ULK4: variants seen among roughly 807,000 people sequenced by gnomAD.
ULK4 encodes the protein unc-51 like kinase 4, also known as inactive serine/threonine-protein kinase ULK4.
Under a neutral mutation model 160.6 loss-of-function variants are expected in ULK4, and 133 were observed. That is an observed-to-expected ratio of 0.83 (90% CI 0.72 to 0.96). ULK4 has a LOEUF of 0.96. Among genes scored for constraint, ULK4 ranks in the 40% least tolerant of loss-of-function variants. The pLI is 0.00. For missense variants in ULK4, 1,580 were observed against 1,499.5 expected (o/e 1.05, Z -0.89); for synonymous variants, 534 against 539.8 (o/e 0.99, Z 0.15).
intron 16 of ULK4, among the ~76,000 whole-genome samples, chr3:41,892,998 T>C (rs528985435): frequency 3.3e-5 from 5 of 152,330 alleles, no homozygotes; most frequent in South Asian, 2.1e-4. Context: ...GCAACACTCA[T>C]TGTCTCCGTG....
intron 34 of ULK4, among the ~76,000 whole-genome samples, chr3:41,444,746 G>A (rs570001474): frequency 5.3e-5 from 8 of 152,076 alleles, no homozygotes; most frequent in East Asian, 1.9e-4. Context: ...TTGAAAGGCC[G>A]AGGTGGACGG....
At chr3:41,340,611 T>G (rs954029791) in intron 35 of ULK4, among the ~76,000 whole-genome samples, 5 of 152,204 alleles carry the variant, frequency 3.3e-5, no homozygotes, top group African/African-American at 4.8e-5. Flanking sequence ...AAAATCCAGT[T>G]CCTCAACAGT....
intron 35 of ULK4, among the ~76,000 whole-genome samples, chr3:41,275,912 T>C (rs1166784644): frequency 6.6e-6 from 1 of 152,252 alleles, no homozygotes; most frequent in Admixed American, 6.5e-5. Context: ...GGGCTTTGTC[T>C]ATGGATGTAT....
chr3:41,908,989 A>G (rs1198191506), intron 11 of ULK4, among the ~76,000 whole-genome samples: 2 of 150,172 alleles, frequency 1.3e-5, no homozygotes, highest in Non-Finnish European at 3.0e-5. Context: ...GCTACTTGGG[A>G]GGCTGAGGCA....
At chr3:41,824,950 C>G (rs2041291918) in intron 18 of ULK4, among the ~76,000 whole-genome samples, 2 of 152,192 alleles carry the variant, frequency 1.3e-5, no homozygotes, top group African/African-American at 2.4e-5. Flanking sequence ...GGGCTGGGTA[C>G]TCCTCTGAGA....
chr3:41,591,804 C>T (rs571685812), intron 31 of ULK4, among the ~76,000 whole-genome samples: 32 of 152,318 alleles, frequency 2.1e-4, no homozygotes, highest in Admixed American at 9.8e-4. Context: ...GCAGCCCCCA[C>T]GTTGCACAGT....
chr3:41,485,101 T>C (rs748549922), intron 32 of ULK4, among the ~76,000 whole-genome samples: 10 of 152,322 alleles, frequency 6.6e-5, no homozygotes, highest in Middle Eastern at 6.8e-3. Flanking sequence ...GGCATATCCC[T>C]TCAACAACTC....
intron 11 of ULK4, among the ~76,000 whole-genome samples, chr3:41,911,062 G>A (rs1698766868): frequency 6.6e-6 from 1 of 152,140 alleles, no homozygotes; most frequent in African/African-American, 2.4e-5. Flanking sequence ...TCTTACAAAT[G>A]GAAATAATGA....
chr3:41,532,926 C>A (rs1384763920), intron 32 of ULK4, among the ~76,000 whole-genome samples: 3 of 152,176 alleles, frequency 2.0e-5, no homozygotes, highest in Non-Finnish European at 2.9e-5. Context: ...ACCCCTTGAA[C>A]CAATATGGCT....
chr3:41,509,471 A>G (rs1333691180), intron 32 of ULK4, among the ~76,000 whole-genome samples: 9 of 152,176 alleles, frequency 5.9e-5, no homozygotes, highest in African/African-American at 2.2e-4. Flanking sequence ...AGAAGCTCAA[A>G]GAACAACTGG....
intron 30 of ULK4, among the ~76,000 whole-genome samples, chr3:41,645,738 G>A (rs559858888): frequency 6.6e-4 from 101 of 152,210 alleles, no homozygotes; most frequent in African/African-American, 2.4e-3. Flanking sequence ...TTCAATTCCT[G>A]GGTATCCTTG....
At chr3:41,794,684 A>G (rs1452015858) in intron 20 of ULK4, among the ~76,000 whole-genome samples, 1 of 128,478 alleles carries the variant, frequency 7.8e-6, no homozygotes, top group African/African-American at 3.2e-5. Flanking sequence ...AAAAAAAAAA[A>G]AACACAGAAA....
At chr3:41,376,516 T>A (rs2081500136) in intron 35 of ULK4, among the ~76,000 whole-genome samples, 1 of 149,936 alleles carries the variant, frequency 6.7e-6, no homozygotes, top group Non-Finnish European at 1.5e-5. Flanking sequence ...GATAAGCAAT[T>A]TCAGCAAAGT....
intron 31 of ULK4, among the ~76,000 whole-genome samples, chr3:41,569,379 C>T (rs1409873566): frequency 6.6e-6 from 1 of 152,078 alleles, no homozygotes; most frequent in Non-Finnish European, 1.5e-5. Flanking sequence ...CAGCCATCAA[C>T]TCATTAGCAT....
intron 27 of ULK4, among the ~76,000 whole-genome samples, chr3:41,697,716 C>T (rs1032907296): frequency 5.9e-5 from 9 of 152,120 alleles, no homozygotes; most frequent in African/African-American, 2.2e-4. Flanking sequence ...CTCCTGGTCT[C>T]AAGTGGTTCT....
At chr3:41,775,238 A>T (rs899514208) in intron 21 of ULK4, among the ~76,000 whole-genome samples, 3 of 150,612 alleles carry the variant, frequency 2.0e-5, no homozygotes, top group Non-Finnish European at 4.4e-5. Flanking sequence ...AATAAAAATA[A>T]AAGAAATATA....
chr3:41,961,093 T>C (rs1700647330), intron 1 of ULK4, among the ~76,000 whole-genome samples: 3 of 152,310 alleles, frequency 2.0e-5, no homozygotes, highest in Admixed American at 2.0e-4. Flanking sequence ...AAGTCTCTCT[T>C]AATTCACAAG....
At chr3:41,867,847 A>C (rs948910221) in intron 17 of ULK4, among the ~76,000 whole-genome samples, 2 of 152,214 alleles carry the variant, frequency 1.3e-5, no homozygotes, top group Non-Finnish European at 2.9e-5. Flanking sequence ...TCAGCTTTAA[A>C]TATTTTCTAA....
At chr3:41,566,609 G>C (rs76890276) in intron 31 of ULK4, among the ~76,000 whole-genome samples, 372 of 152,328 alleles carry the variant, frequency 2.4e-3, no homozygotes, top group East Asian at 0.013. Context: ...ACCTAAAAGA[G>C]TGGATTGTGA....
Sources: gnomAD v4.1 joint callset for allele counts (sites outside exome capture counted in the v4.1 genomes callset) on GRCh38, gnomAD v4.1.1 for gene constraint, MANE v1.5 for transcripts, NCBI Gene and HGNC (gene_info 2026-07-23, HGNC 2026-07-21) for gene names.